SLC8A1: variants seen among roughly 807,000 people sequenced by gnomAD.
SLC8A1 encodes solute carrier family 8 member A1, also known as sodium/calcium exchanger 1.
Under a neutral mutation model 68.3 loss-of-function variants are expected in SLC8A1, and 18 were observed. That is an observed-to-expected ratio of 0.26 (90% CI 0.18 to 0.39). The LOEUF is 0.39. Among genes scored for constraint, SLC8A1 ranks in the 10% least tolerant of loss-of-function variants. SLC8A1 has a pLI of 1.00. For synonymous variants in SLC8A1, 475 were observed against 415.5 expected (o/e 1.14, Z -1.74); for missense variants, 985 against 1,156.7 (o/e 0.85, Z 2.15).
At chr2:40,425,925 T>C (rs942181651) in intron 2 of SLC8A1, among the ~76,000 whole-genome samples, 2 of 151,930 alleles carry the variant, frequency 1.3e-5, no homozygotes, top group African/African-American at 4.8e-5. Context: ...ACACATGCAT[T>C]TGTATGTTCA....
At chr2:40,361,068 T>G (rs1674469095) in intron 2 of SLC8A1, among the ~76,000 whole-genome samples, 1 of 151,970 alleles carries the variant, frequency 6.6e-6, no homozygotes, top group Admixed American at 6.6e-5. Context: ...TGACATCAGA[T>G]AGAGTAGAGA....
chr2:40,141,178 C>T (rs1344139831), intron 6 of SLC8A1, among the ~76,000 whole-genome samples: 1 of 152,154 alleles, frequency 6.6e-6, no homozygotes, highest in African/African-American at 2.4e-5. Flanking sequence ...TCCACCTGAA[C>T]CACGTGACCT....
At chr2:40,205,459 A>ATT (rs2055225249) in intron 2 of SLC8A1, among the ~76,000 whole-genome samples, 2 of 151,944 alleles carry the variant, frequency 1.3e-5, no homozygotes, top group South Asian at 4.1e-4. Flanking sequence ...GTGTATATGT[A>ATT]CCACATTTTC....
rs573217511 is a variant in SLC8A1 at position 40,441,930 on chromosome 2, A to G, written c.-25+9974T>C. On this transcript the variant is annotated intron_variant, in intron 1 of 7. Coordinates refer to ENST00000406785, the Ensembl canonical transcript of SLC8A1. ...AAATTGACAAATGGGATGTAATTAAACCAAAGAGCTTCTGCATAGCAAAAG... is the reference window on the plus strand; with the variant it reads ...AAATTGACAAATGGGATGTAATTAAGCCAAAGAGCTTCTGCATAGCAAAAG... Among the ~76,000 whole-genome samples, 10 of 151,858 alleles carry G rather than the reference A, an allele frequency of 6.6e-5. No individual in the cohort carries two copies. In the South Asian group the frequency reaches 1.3e-3, roughly 19 times the overall value.
chr2:40,215,869 G>T (rs2057391646), intron 2 of SLC8A1, among the ~76,000 whole-genome samples: 2 of 151,920 alleles, frequency 1.3e-5, no homozygotes, highest in Admixed American at 1.3e-4. Flanking sequence ...TCATTCCATA[G>T]TTCTCAGCTC....
At chr2:40,140,902 G>A (rs1193189383) in intron 6 of SLC8A1, among the ~76,000 whole-genome samples, 1 of 152,150 alleles carries the variant, frequency 6.6e-6, no homozygotes, top group Non-Finnish European at 1.5e-5. Flanking sequence ...CACAAAGCAT[G>A]CTATTTAAAG....
intron 2 of SLC8A1, among the ~76,000 whole-genome samples, chr2:40,233,315 A>AATG (rs749066109): frequency 6.6e-6 from 1 of 151,904 alleles, no homozygotes; most frequent in Non-Finnish European, 1.5e-5. Flanking sequence ...ATGGTATCTC[A>AATG]TGGTTTTGAT....
intron 2 of SLC8A1, among the ~76,000 whole-genome samples, chr2:40,217,578 G>T (rs1004107786): frequency 6.6e-6 from 1 of 152,084 alleles, no homozygotes; most frequent in Non-Finnish European, 1.5e-5. Context: ...CTTTTGGGAG[G>T]CTTCCTAATG....
intron 2 of SLC8A1, among the ~76,000 whole-genome samples, chr2:40,275,211 T>C (rs2066541947): frequency 6.6e-6 from 1 of 152,184 alleles, no homozygotes; most frequent in African/African-American, 2.4e-5. Flanking sequence ...GATGACTGAG[T>C]AATCTGTATA....
At chr2:40,234,872 C>T (rs1252799303) in intron 2 of SLC8A1, among the ~76,000 whole-genome samples, 1 of 152,068 alleles carries the variant, frequency 6.6e-6, no homozygotes, top group Non-Finnish European at 1.5e-5. Context: ...TGGTTTTTGT[C>T]TTTGGCTCTG....
At chr2:40,163,817 C>T (rs534427273) in intron 5 of SLC8A1, among the ~76,000 whole-genome samples, 1 of 152,166 alleles carries the variant, frequency 6.6e-6, no homozygotes, top group Non-Finnish European at 1.5e-5. Context: ...TTTTGTTTTC[C>T]ACCTGTCTCC....
chr2:40,232,140 A>G (rs1244092509), intron 2 of SLC8A1, among the ~76,000 whole-genome samples: 1 of 152,140 alleles, frequency 6.6e-6, no homozygotes, highest in Non-Finnish European at 1.5e-5. Context: ...AGCACAAAGG[A>G]TCAGGATCTA....
chr2:40,452,443 G>T (rs1702677898), upstream of SLC8A1, among the ~76,000 whole-genome samples: 1 of 152,156 alleles, frequency 6.6e-6, no homozygotes, highest in African/African-American at 2.4e-5. Flanking sequence ...GCGCGCTAGC[G>T]CTGTCTCTCG....
intron 6 of SLC8A1, among the ~76,000 whole-genome samples, chr2:40,154,479 CTTTTCT>C (rs1558548711): frequency 3.3e-5 from 1 of 30,040 alleles, no homozygotes; most frequent in Non-Finnish European, 7.4e-5. Flanking sequence ...AATTTTTTTT[CTTTTCT>C]TTTTTTTTTT....
At chr2:40,139,737 C>T in intron 6 of SLC8A1, 61 bp from the exon 10 acceptor site, 5 of 1,555,514 alleles carry the variant, frequency 3.2e-6, no homozygotes, top group Non-Finnish European at 4.4e-6. Context: ...CTTCCTCTCT[C>T]TCAATCTCTC....
At chr2:40,199,793 A>G (rs985677762) in intron 2 of SLC8A1, among the ~76,000 whole-genome samples, 10 of 151,632 alleles carry the variant, frequency 6.6e-5, no homozygotes, top group Admixed American at 2.6e-4. Flanking sequence ...CAGGACTTAC[A>G]TTAGGCTCTT....
intron 2 of SLC8A1, among the ~76,000 whole-genome samples, chr2:40,391,572 T>A (rs1395945228): frequency 6.6e-6 from 1 of 151,990 alleles, no homozygotes; most frequent in African/African-American, 2.4e-5. Flanking sequence ...CCCTAAAAAT[T>A]TATAAGAGCA....
intron 2 of SLC8A1, among the ~76,000 whole-genome samples, chr2:40,410,695 T>C (rs1691849704): frequency 6.6e-6 from 1 of 152,144 alleles, no homozygotes; most frequent in Non-Finnish European, 1.5e-5. Flanking sequence ...TCATTTTTTG[T>C]GGTGACATGC....
intron 2 of SLC8A1, among the ~76,000 whole-genome samples, chr2:40,186,987 TGAAAA>T (rs1452520190): frequency 6.6e-6 from 1 of 152,228 alleles, no homozygotes; most frequent in Admixed American, 6.5e-5. Context: ...TCTTATTAGT[TGAAAA>T]GGAGTGGTTT....
Sources: gnomAD v4.1 joint callset for allele counts (sites outside exome capture counted in the v4.1 genomes callset) on GRCh38, gnomAD v4.1.1 for gene constraint, MANE v1.5 for transcripts, NCBI Gene and HGNC (gene_info 2026-07-23, HGNC 2026-07-21) for gene names.